Variants in FARP1 observed in about 807,000 individuals in gnomAD.
The protein encoded by FARP1 is FERM, ARHGEF and pleckstrin domain-containing protein 1.
A neutral mutation model predicts 128.8 loss-of-function variants in FARP1; 52 were observed. The ratio of observed to expected loss-of-function variants is 0.40; its 90% CI spans 0.32 to 0.51. The LOEUF (loss-of-function observed/expected upper bound fraction) is 0.51, where lower values mean the gene tolerates loss of function less well. Ranked by LOEUF, FARP1 falls within the 20% of genes least tolerant of loss-of-function variation. The probability of loss-of-function intolerance (pLI) is 0.45; values close to 1 mark genes in which losing one functional copy is unlikely to be tolerated. For missense variants in FARP1, 1,333 were observed against 1,367.9 expected (o/e 0.97, Z 0.40); for synonymous variants, 580 against 551.8 (o/e 1.05, Z -0.72).
intron 13 of FARP1, among the ~76,000 whole-genome samples, chr13:98,408,750 T>G (rs1408953687): frequency 2.6e-5 from 4 of 152,240 alleles, no homozygotes; most frequent in Admixed American, 1.3e-4. Flanking sequence ...AGTGATCACA[T>G]ATGCCTGTAA....
chr13:98,237,000 A>G (rs887940338), intron 2 of FARP1, among the ~76,000 whole-genome samples: 7 of 151,930 alleles, frequency 4.6e-5, no homozygotes, highest in East Asian at 1.9e-4. Flanking sequence ...TCAGGGGGAA[A>G]AAAAGAAAAC....
intron 14 of FARP1, 74 bp from the exon 15 acceptor site, chr13:98,410,660 T>A (rs1447451913): frequency 2.8e-6 from 2 of 709,876 alleles, no homozygotes; most frequent in African/African-American, 3.5e-5. Flanking sequence ...ACATATCACT[T>A]TAATGAGGAC....
chr13:98,165,450 G>C (rs1235398134), intron 1 of FARP1, among the ~76,000 whole-genome samples: 1 of 151,968 alleles, frequency 6.6e-6, no homozygotes, highest in African/African-American at 2.4e-5. Flanking sequence ...GACATGCATT[G>C]ATTTTTAAAC....
At chr13:98,315,373 G>A (rs944211598) in intron 2 of FARP1, among the ~76,000 whole-genome samples, 3 of 152,124 alleles carry the variant, frequency 2.0e-5, no homozygotes, top group African/African-American at 7.2e-5. Context: ...CCAAAGTGCT[G>A]GGATTACAGG....
intron 25 of FARP1, 23 bp from the exon 26 acceptor site, chr13:98,446,643 T>A: frequency 1.9e-6 from 3 of 1,612,666 alleles, no homozygotes; most frequent in Non-Finnish European, 2.5e-6. Context: ...GAAAAGCCAC[T>A]TTGCTTTGTT....
chr13:98,439,511 C>T (rs1379576856), intron 21 of FARP1, among the ~76,000 whole-genome samples: 3 of 152,152 alleles, frequency 2.0e-5, no homozygotes, highest in Admixed American at 6.5e-5. Flanking sequence ...GGCATGAACT[C>T]GCCTCCCACA....
chr13:98,274,141 C>T (rs1159397462), intron 2 of FARP1, among the ~76,000 whole-genome samples: 1 of 152,082 alleles, frequency 6.6e-6, no homozygotes, highest in Non-Finnish European at 1.5e-5. Context: ...CATACTTTGT[C>T]CCTATTCAGA....
At position 98,263,013 on chromosome 13, in the gene FARP1, A is replaced by G. The variant is rs568703459; in HGVS notation, c.171+49600A>G. 5.0e-3 allele frequency among the ~76,000 whole-genome samples: 756 copies of G among 151,236 alleles called. 8 individuals carry two copies. Among genetic ancestry groups the G allele is most frequent in the African/African-American group, 0.011 (449 of 40,826 alleles). ...CTTAAACATTATTATTATTATTATTATTATTGTTTTTTGGGACAGAGCTTT... is the reference window on the plus strand; with the variant it reads ...CTTAAACATTATTATTATTATTATTGTTATTGTTTTTTGGGACAGAGCTTT... On this transcript the variant is annotated intron_variant, in intron 2 of 26. Transcript: ENST00000319562.
intron 2 of FARP1, among the ~76,000 whole-genome samples, chr13:98,251,180 G>A (rs1883304816): frequency 6.6e-6 from 1 of 152,228 alleles, no homozygotes; most frequent in Non-Finnish European, 1.5e-5. Flanking sequence ...GTGGACAGCT[G>A]TTAGAACTGG....
At chr13:98,360,788 A>T (rs1267637750) in intron 3 of FARP1, among the ~76,000 whole-genome samples, 2 of 152,296 alleles carry the variant, frequency 1.3e-5, no homozygotes, top group African/African-American at 2.4e-5. Context: ...TTTCAGCCAG[A>T]TGCCTTTCCA....
chr13:98,160,239 G>A (rs1433364557), intron 1 of FARP1, among the ~76,000 whole-genome samples: 2 of 152,190 alleles, frequency 1.3e-5, no homozygotes, highest in African/African-American at 4.8e-5. Context: ...TAAAGGAACT[G>A]AGAAATGAAG....
intron 2 of FARP1, among the ~76,000 whole-genome samples, chr13:98,301,751 C>T (rs1885934657): frequency 6.6e-6 from 1 of 152,146 alleles, no homozygotes; most frequent in Non-Finnish European, 1.5e-5. Flanking sequence ...GGATACTTAA[C>T]TTGCCTTAAG....
chr13:98,202,376 G>C (rs1217046360), intron 1 of FARP1, among the ~76,000 whole-genome samples: 1 of 152,202 alleles, frequency 6.6e-6, no homozygotes, highest in Admixed American at 6.5e-5. Context: ...CTTTCAACAT[G>C]GGGCACAGAA....
intron 1 of FARP1, among the ~76,000 whole-genome samples, chr13:98,212,107 G>A (rs1460126928): frequency 3.9e-5 from 6 of 152,236 alleles, no homozygotes; most frequent in African/African-American, 1.4e-4. Flanking sequence ...CCAGGCTGGA[G>A]TGCAGTGGTG....
intron 8 of FARP1, 45 bp downstream of exon 8, chr13:98,385,859 G>A: frequency 6.3e-7 from 1 of 1,598,676 alleles, no homozygotes; most frequent in Non-Finnish European, 8.5e-7. Context: ...GTGACAGAGA[G>A]AGAAGAGCTG....
intron 1 of FARP1, among the ~76,000 whole-genome samples, chr13:98,185,322 T>C (rs573803536): frequency 6.6e-6 from 1 of 152,342 alleles, no homozygotes; most frequent in Admixed American, 6.5e-5. Flanking sequence ...CTTGAATTTT[T>C]AGAAAGGGCT....
chr13:98,309,243 T>G (rs1217540787), intron 2 of FARP1, among the ~76,000 whole-genome samples: 1 of 121,986 alleles, frequency 8.2e-6, no homozygotes, highest in African/African-American at 3.1e-5. Flanking sequence ...CTCGGCTCAC[T>G]GCAAGCTCCG....
intron 2 of FARP1, among the ~76,000 whole-genome samples, chr13:98,241,753 T>C (rs2139450029): frequency 6.6e-6 from 1 of 152,256 alleles, no homozygotes; most frequent in South Asian, 2.1e-4. Context: ...ACCCCATCTC[T>C]ACTAAAAATA....
intron 14 of FARP1, 84 bp from the exon 15 acceptor site, chr13:98,410,650 A>T: frequency 1.6e-6 from 1 of 643,122 alleles, no homozygotes; most frequent in East Asian, 2.8e-5. Context: ...CAAGTTAGTA[A>T]CATATCACTT....
Sources: gnomAD v4.1 joint callset for allele counts (sites outside exome capture counted in the v4.1 genomes callset) on GRCh38, gnomAD v4.1.1 for gene constraint, MANE v1.5 for transcripts, NCBI Gene and HGNC (gene_info 2026-07-23, HGNC 2026-07-21) for gene names.